Variants in PREP observed in about 807,000 individuals in gnomAD.
PREP encodes the protein dJ355L5.1 (prolyl endopeptidase).
In PREP, 29 loss-of-function variants were observed where a neutral mutation model predicts 87.6. The ratio of observed to expected loss-of-function variants is 0.33; its 90% CI spans 0.25 to 0.45. The LOEUF is 0.45. Ranked by LOEUF, PREP falls within the 20% of genes least tolerant of loss-of-function variation. The pLI, the probability that PREP is intolerant of heterozygous loss-of-function variation, is 1.00. For missense variants in PREP, 695 were observed against 886.5 expected (o/e 0.78, Z 2.74); for synonymous variants, 337 against 328.6 (o/e 1.03, Z -0.28).
At chr6:105,366,765 C>A (rs1347928997) in intron 6 of PREP, among the ~76,000 whole-genome samples, 1 of 152,156 alleles carries the variant, frequency 6.6e-6, no homozygotes, top group Non-Finnish European at 1.5e-5. Context: ...AGGAGGGAAA[C>A]CGACACACGC....
chr6:105,355,514 T>C (rs1413371745), intron 6 of PREP, among the ~76,000 whole-genome samples: 1 of 152,240 alleles, frequency 6.6e-6, no homozygotes. Context: ...TTTTCTCCTC[T>C]GGCTGCTTTT....
At chr6:105,281,619 C>G in intron 14 of PREP, 127 bp downstream of exon 14, 1 of 1,188,400 alleles carries the variant, frequency 8.4e-7, no homozygotes, top group Non-Finnish European at 1.2e-6. Context: ...GTCCCATCTC[C>G]TCTCCAGCAG....
intron 2 of PREP, among the ~76,000 whole-genome samples, chr6:105,383,651 G>T (rs774663238): frequency 7.2e-5 from 11 of 152,104 alleles, no homozygotes; most frequent in Non-Finnish European, 1.3e-4. Flanking sequence ...AGCCTGTCAG[G>T]CCTCTTTCCA....
intron 9 of PREP, among the ~76,000 whole-genome samples, chr6:105,326,460 G>A (rs1771162303): frequency 6.6e-6 from 1 of 152,216 alleles, no homozygotes; most frequent in Admixed American, 6.5e-5. Flanking sequence ...TTTTCACCAT[G>A]TACCTCCAAG....
rs537192002 is a variant in PREP, at chr6:105,402,289, A to C, written c.45+558T>G. On this transcript the variant is annotated intron_variant, in intron 1 of 14. Coordinates refer to ENST00000652536, the MANE Select transcript of PREP (RefSeq NM_002726.5). ...CGGGTCTCTGGCATCCCCAGGGCCC[A>C]GTGCGCCTCATCCGACCTGGGACAG... 8.1e-4 allele frequency among the ~76,000 whole-genome samples: 123 copies of C among 152,306 alleles called. 1 individual carries two copies. Among genetic ancestry groups the C allele is most frequent in the African/African-American group, 2.8e-3 (115 of 41,570 alleles).
Position 105,323,752 on chromosome 6 carries a change from A to G in PREP, c.1230T>C (p.Cys410=). The G allele has an allele frequency of 6.2e-7, 1 of 1,612,702 alleles. No homozygotes were observed. The highest frequency in any genetic ancestry group is 1.7e-4 in the Middle Eastern group (1 of 6,060). Reference sequence around the variant, plus strand: ...GCTCCAGCTCCTCTTTGGTAAGATCACAGTGATAAATGATACCTAAAAAGT... The same window carrying G: ...GCTCCAGCTCCTCTTTGGTAAGATCGCAGTGATAAATGATACCTAAAAAGT... ...SFLSPGIIYH[C]DLTKEELEPR... Residue 410 remains cysteine (C), a synonymous_variant, in exon 10 of 15, where the codon TGT becomes TGC. Coordinates refer to ENST00000652536, the MANE Select transcript of PREP (RefSeq NM_002726.5).
At chr6:105,292,384 C>T (rs920810004) in intron 10 of PREP, among the ~76,000 whole-genome samples, 4 of 152,202 alleles carry the variant, frequency 2.6e-5, no homozygotes, top group African/African-American at 9.6e-5. Flanking sequence ...CCTTGTACAG[C>T]TCCATCAGAG....
At chr6:105,370,846 T>C (rs1772519799) in intron 5 of PREP, among the ~76,000 whole-genome samples, 1 of 152,174 alleles carries the variant, frequency 6.6e-6, no homozygotes, top group Non-Finnish European at 1.5e-5. Context: ...AAAAGATCAG[T>C]GACTGCCAAA....
intron 2 of PREP, among the ~76,000 whole-genome samples, chr6:105,390,049 G>C (rs1460140238): frequency 6.6e-6 from 1 of 152,164 alleles, no homozygotes; most frequent in African/African-American, 2.4e-5. Context: ...AAATATCCTA[G>C]AGATGATCAG....
chr6:105,341,805 C>T (rs1467802252), intron 7 of PREP, among the ~76,000 whole-genome samples: 2 of 152,162 alleles, frequency 1.3e-5, no homozygotes, highest in African/African-American at 4.8e-5. Flanking sequence ...TGGATTAATT[C>T]CTGGACACAC....
chr6:105,377,677 A>G (rs1011759740), intron 2 of PREP, among the ~76,000 whole-genome samples, 158 bp from the exon 3 acceptor site: 2 of 152,102 alleles, frequency 1.3e-5, no homozygotes, highest in East Asian at 1.9e-4. Context: ...TCTTCTTCAT[A>G]CCTGCCCAGC....
chr6:105,278,308 G>C lies in PREP; in HGVS notation c.1969C>G (p.Gln657Glu). 2 of 1,614,230 alleles carry C rather than the reference G, an allele frequency of 1.2e-6. No individual in the cohort carries two copies. Among genetic ancestry groups the C allele is most frequent in the Non-Finnish European group, 1.7e-6 (2 of 1,180,038 alleles). ...TTCCTGCTGCGGCCCACGATGTACTGAAGGGTGGCAATGAACTTCAGGGAG... is the reference window on the plus strand; with the variant it reads ...TTCCTGCTGCGGCCCACGATGTACTCAAGGGTGGCAATGAACTTCAGGGAG... ...LHSLKFIATL[Q>E]YIVGRSRKQS... Residue 657 changes from glutamine (Q) to glutamate (E), a missense_variant, in exon 15 of 15, where the codon CAG (glutamine) becomes GAG (glutamate). Physicochemically the swap from Gln to Glu is conservative, Grantham distance 29. Coordinates refer to ENST00000652536, the MANE Select transcript of PREP (RefSeq NM_002726.5). The surrounding 1 kb of genome is among the most constrained non-coding windows in gnomAD (Gnocchi z 4.2).
intron 1 of PREP, among the ~76,000 whole-genome samples, chr6:105,398,894 G>A (rs529202859): frequency 6.6e-6 from 1 of 152,100 alleles, no homozygotes; most frequent in Non-Finnish European, 1.5e-5. Flanking sequence ...GATCACTTGA[G>A]GTCAGGAGTT....
intron 2 of PREP, among the ~76,000 whole-genome samples, chr6:105,393,388 G>A (rs7760186): frequency 0.12 from 17,648 of 152,092 alleles, 1,147 homozygotes; most frequent in Middle Eastern, 0.18. Context: ...CTCAAAAACA[G>A]GGGCGGGGCA....
chr6:105,387,805 C>T (rs1773042326), intron 2 of PREP, among the ~76,000 whole-genome samples: 1 of 152,194 alleles, frequency 6.6e-6, no homozygotes, highest in Non-Finnish European at 1.5e-5. Flanking sequence ...GGCCTCCTTT[C>T]TGCTCCAATC....
chr6:105,311,467 G>A (rs193267711), intron 10 of PREP, among the ~76,000 whole-genome samples: 6 of 152,260 alleles, frequency 3.9e-5, no homozygotes, highest in South Asian at 4.1e-4. Flanking sequence ...GTTAGCTCCC[G>A]CTGAGCCTTT....
intron 10 of PREP, among the ~76,000 whole-genome samples, chr6:105,297,905 G>A (rs1166395299): frequency 1.3e-5 from 2 of 152,112 alleles, no homozygotes; most frequent in African/African-American, 4.8e-5. Flanking sequence ...TGGAAGCATC[G>A]GTAAGATCTC....
chr6:105,328,947 G>C lies in PREP; in HGVS notation c.1095C>G (p.Asp365Glu), dbSNP rs1306654583. ...TCTTAAGGAGAGCACCAGTAGTCAG[G>C]TCATGGAGCTGCAGAATGTTCTTGA... ...HDVKNILQLH[D>E]LTTGALLKTF... Residue 365 changes from aspartate to glutamate, a missense_variant, in exon 9 of 15, where the codon GAC (aspartate) becomes GAG (glutamate). Physicochemically the swap from Asp to Glu is conservative, Grantham distance 45. Around this residue, in one of 5 missense-constraint regions of PREP, gnomAD observed 517 missense variants for 620.3 expected, o/e 0.83. Transcript: ENST00000652536. The C allele has an allele frequency of 6.2e-7, 1 of 1,614,164 alleles. No homozygotes were observed. Among genetic ancestry groups the C allele is most frequent in the South Asian group, 1.1e-5 (1 of 91,080 alleles).
intron 11 of PREP, among the ~76,000 whole-genome samples, 153 bp from the exon 12 acceptor site, chr6:105,285,733 GA>G (rs1770177852): frequency 6.6e-6 from 1 of 152,100 alleles, no homozygotes. Context: ...TGATTAAAGT[GA>G]AAAACACATA....
Sources: gnomAD v4.1 joint callset for allele counts (sites outside exome capture counted in the v4.1 genomes callset) on GRCh38, gnomAD v4.1.1 for gene constraint, gnomAD v4.1.1 regional missense constraint, Gnocchi (gnomAD v3.1) non-coding constraint, MANE v1.5 for transcripts, NCBI Gene and HGNC (gene_info 2026-07-23, HGNC 2026-07-21) for gene names.